Variants in CLIP2 observed in about 807,000 individuals in gnomAD.
The protein encoded by CLIP2 is CAP-Gly domain-containing linker protein 2.
Under a neutral mutation model 111.7 loss-of-function variants are expected in CLIP2, and 41 were observed. That is an observed-to-expected ratio of 0.37 (90% confidence interval 0.29 to 0.48). The LOEUF (loss-of-function observed/expected upper bound fraction) is 0.48. Among genes scored for constraint, CLIP2 ranks in the 20% least tolerant of loss-of-function variants. The probability of loss-of-function intolerance (pLI) is 0.99; values close to 1 mark genes in which losing one functional copy is unlikely to be tolerated. For synonymous variants in CLIP2, 660 were observed against 644.2 expected, an observed-to-expected ratio of 1.02 and a Z score of -0.37; for missense variants, 1,160 against 1,422.1, an observed-to-expected ratio of 0.82 and a Z score of 2.96.
At chr7:74,392,101 CA>C (rs1273355985) in intron 13 of CLIP2, among the ~76,000 whole-genome samples, 3 of 151,650 alleles carry the variant, frequency 2.0e-5, no homozygotes, top group African/African-American at 7.3e-5. Context: ...CCTGTAATCC[CA>C]GCACTTTGGG....
intron 12 of CLIP2, 99 bp from the exon 13 acceptor site, chr7:74,389,004 T>G: frequency 1.4e-6 from 2 of 1,418,932 alleles, no homozygotes; most frequent in Non-Finnish European, 1.9e-6. Flanking sequence ...CTTCATCCCC[T>G]GGGAGAATCA....
intron 13 of CLIP2, among the ~76,000 whole-genome samples, chr7:74,390,214 AAAGAAAGAAAGG>A (rs782076728): frequency 0.072 from 6,941 of 95,814 alleles, 266 homozygotes; most frequent in South Asian, 0.1. Flanking sequence ...AGAAAGAAAG[AAAGAAAGAAAGG>A]ATTAATGCCT....
intron 8 of CLIP2, among the ~76,000 whole-genome samples, chr7:74,365,947 G>C (rs1453128833): frequency 2.6e-5 from 4 of 151,814 alleles, no homozygotes; most frequent in Non-Finnish European, 5.9e-5. Flanking sequence ...TGTAGAGGCT[G>C]GGTCTCACTA....
intron 2 of CLIP2, among the ~76,000 whole-genome samples, chr7:74,324,929 A>C (rs1437990804): frequency 6.6e-6 from 1 of 151,880 alleles, no homozygotes; most frequent in Non-Finnish European, 1.5e-5. Flanking sequence ...CACCCATGCA[A>C]CTGTCCATCT....
intron 7 of CLIP2, among the ~76,000 whole-genome samples, chr7:74,360,686 G>A (rs1790302559): frequency 6.6e-6 from 1 of 152,086 alleles, no homozygotes; most frequent in Non-Finnish European, 1.5e-5. Flanking sequence ...GGGTAGCTGG[G>A]ACCACAGGCG....
intron 3 of CLIP2, among the ~76,000 whole-genome samples, chr7:74,352,392 G>A (rs1220828551): frequency 2.0e-5 from 3 of 151,498 alleles, no homozygotes; most frequent in Non-Finnish European, 4.4e-5. Flanking sequence ...AGCTGAGGTC[G>A]TGCCACTGCA....
At chr7:74,298,602 G>A (rs1044381242) in intron 1 of CLIP2, among the ~76,000 whole-genome samples, 34 of 150,926 alleles carry the variant, frequency 2.3e-4, no homozygotes, top group African/African-American at 8.0e-4. Flanking sequence ...GCGTGATCTC[G>A]GCTCACTGCG....
At chr7:74,347,912 G>A (rs546912453) in intron 3 of CLIP2, among the ~76,000 whole-genome samples, 1 of 152,294 alleles carries the variant, frequency 6.6e-6, no homozygotes, top group African/African-American at 2.4e-5. Context: ...AGGGGCGGGG[G>A]CTCACACCTG....
intron 7 of CLIP2, 37 bp downstream of exon 7, chr7:74,360,315 C>T (rs1258111094): frequency 6.7e-7 from 1 of 1,490,748 alleles, no homozygotes; most frequent in African/African-American, 1.4e-5. Context: ...GCCCTGAGTC[C>T]CCTTAAGGAG....
intron 1 of CLIP2, among the ~76,000 whole-genome samples, chr7:74,293,753 C>G (rs184324346): frequency 6.6e-6 from 1 of 152,220 alleles, no homozygotes; most frequent in East Asian, 1.9e-4. Context: ...TTGAAAGAAA[C>G]CAGAGTGCAC....
chr7:74,361,653 G>T (rs1790334522), intron 7 of CLIP2, among the ~76,000 whole-genome samples: 1 of 152,184 alleles, frequency 6.6e-6, no homozygotes, highest in African/African-American at 2.4e-5. Flanking sequence ...AGGTAACTGG[G>T]ACTACAGGCA....
At chr7:74,297,652 C>G (rs1788210476) in intron 1 of CLIP2, among the ~76,000 whole-genome samples, 1 of 151,984 alleles carries the variant, frequency 6.6e-6, no homozygotes. Flanking sequence ...AGGGGACCAG[C>G]CTTTCCAGCA....
intron 2 of CLIP2, among the ~76,000 whole-genome samples, chr7:74,322,552 G>A (rs879947120): frequency 6.6e-6 from 1 of 151,896 alleles, no homozygotes; most frequent in Non-Finnish European, 1.5e-5. Context: ...CTCCAGCCTG[G>A]GCAACAGAGT....
chr7:74,354,185 C>G (rs933807457), intron 4 of CLIP2, among the ~76,000 whole-genome samples, 181 bp downstream of exon 4: 5 of 152,154 alleles, frequency 3.3e-5, no homozygotes, highest in Non-Finnish European at 7.4e-5. Context: ...ATTATCATCC[C>G]ATTTTACAGA....
At chr7:74,297,467 A>T (rs1788203001) in intron 1 of CLIP2, among the ~76,000 whole-genome samples, 1 of 151,900 alleles carries the variant, frequency 6.6e-6, no homozygotes, top group African/African-American at 2.4e-5. Context: ...ACAGAGCAAG[A>T]TCCTGTCTCA....
intron 2 of CLIP2, among the ~76,000 whole-genome samples, chr7:74,328,813 G>A (rs1789192875): frequency 6.6e-6 from 1 of 151,988 alleles, no homozygotes; most frequent in African/African-American, 2.4e-5. Flanking sequence ...CTGGACTGCA[G>A]TGGTGCGATC....
intron 2 of CLIP2, among the ~76,000 whole-genome samples, chr7:74,320,195 C>CAAAAA (rs34079690): frequency 2.0e-5 from 2 of 99,234 alleles, no homozygotes; most frequent in South Asian, 3.4e-4. Context: ...GATTCCATCT[C>CAAAAA]AAAAAAAAAA....
chr7:74,352,923 G>A (rs550218402), intron 3 of CLIP2, among the ~76,000 whole-genome samples: 111 of 152,182 alleles, frequency 7.3e-4, no homozygotes, highest in Non-Finnish European at 1.1e-3. Flanking sequence ...GAGGCAGGAG[G>A]ATTGCTTGAG....
intron 1 of CLIP2, among the ~76,000 whole-genome samples, chr7:74,299,703 T>TC (rs1788272949): frequency 6.7e-6 from 1 of 148,812 alleles, no homozygotes; most frequent in African/African-American, 2.4e-5. Flanking sequence ...TTCTTCTTCT[T>TC]CTTTTTTTTT....
Sources: allele counts gnomAD v4.1 joint callset (sites outside exome capture counted in the v4.1 genomes callset), GRCh38; gene constraint gnomAD v4.1.1; transcripts MANE v1.5; gene names NCBI Gene and HGNC (gene_info 2026-07-23, HGNC 2026-07-21).